Variants in DOCK4 observed in about 807,000 individuals in gnomAD.
The protein encoded by DOCK4 is dedicator of cytokinesis protein 4.
A neutral mutation model predicts 268.1 loss-of-function variants in DOCK4; 97 were observed. The observed-to-expected ratio is 0.36, with a 90% CI of 0.31 to 0.43. The LOEUF is 0.43. DOCK4 is among the 20% of genes least tolerant of loss of function. The pLI is 1.00. For synonymous variants in DOCK4, 954 were observed against 887.2 expected, an observed-to-expected ratio of 1.08 and a Z score of -1.34; for missense variants, 2,145 against 2,455.7, an observed-to-expected ratio of 0.87 and a Z score of 2.67.
intron 10 of DOCK4, 107 bp downstream of exon 10, chr7:111,944,704 G>C: frequency 9.0e-7 from 1 of 1,116,690 alleles, no homozygotes; most frequent in Non-Finnish European, 1.3e-6. Flanking sequence ...ATCTGGCTTT[G>C]ATATCTTTCT....
At chr7:111,930,658 G>C (rs542407631) in intron 12 of DOCK4, among the ~76,000 whole-genome samples, 1 of 152,322 alleles carries the variant, frequency 6.6e-6, no homozygotes, top group African/African-American at 2.4e-5. Context: ...TCTAACTGTT[G>C]TGACAGTTTA....
At chr7:111,740,332 T>C in intron 47 of DOCK4, 1 of 207,202 alleles carries the variant, frequency 4.8e-6, no homozygotes, top group Non-Finnish European at 1.0e-5. Context: ...ACTCCAGATC[T>C]CAAGGTGATT....
intron 23 of DOCK4, 21 bp downstream of exon 23, chr7:111,863,351 C>A: frequency 6.2e-7 from 1 of 1,613,864 alleles, no homozygotes; most frequent in Non-Finnish European, 8.5e-7. Flanking sequence ...GGCACAATTT[C>A]CTCCAAGAGA....
At chr7:111,917,735 G>T (rs1792736989) in intron 12 of DOCK4, among the ~76,000 whole-genome samples, 1 of 151,604 alleles carries the variant, frequency 6.6e-6, no homozygotes, top group South Asian at 2.1e-4. Context: ...AATTTGCTTA[G>T]TACAGTCAAG....
intron 4 of DOCK4, among the ~76,000 whole-genome samples, chr7:111,996,930 C>T (rs1378367712): frequency 6.6e-6 from 1 of 152,160 alleles, no homozygotes; most frequent in Non-Finnish European, 1.5e-5. Flanking sequence ...TTTTCTCTTC[C>T]TTGGTCAGAG....
chr7:112,177,378 A>G (rs1818627539), intron 1 of DOCK4, among the ~76,000 whole-genome samples: 1 of 152,250 alleles, frequency 6.6e-6, no homozygotes, highest in South Asian at 2.1e-4. Flanking sequence ...CTAATAATGC[A>G]TTTAAAAGCA....
intron 26 of DOCK4, among the ~76,000 whole-genome samples, chr7:111,833,883 T>C (rs777530165): frequency 6.6e-6 from 1 of 152,182 alleles, no homozygotes; most frequent in Non-Finnish European, 1.5e-5. Flanking sequence ...GCAACAATTC[T>C]AATATGATGG....
chr7:111,977,314 C>G (rs1473694043), intron 7 of DOCK4, 31 bp from the exon 8 acceptor site: 5 of 1,575,134 alleles, frequency 3.2e-6, no homozygotes, highest in Non-Finnish European at 4.3e-6. Flanking sequence ...AAAACATGAT[C>G]AGCATGGACT....
chr7:111,820,604 G>A (rs891709202), intron 27 of DOCK4: 1 of 152,122 alleles, frequency 6.6e-6, no homozygotes, highest in Admixed American at 6.5e-5. Context: ...CTGAAGTAAC[G>A]ATGGGGCAGA....
intron 1 of DOCK4, chr7:112,023,605 G>C: frequency 2.2e-6 from 1 of 448,690 alleles, no homozygotes; most frequent in East Asian, 7.0e-5. Flanking sequence ...TTTTAAATCA[G>C]TAATATTGAA....
At chr7:111,817,006 CT>C (rs1259726763) in intron 27 of DOCK4, among the ~76,000 whole-genome samples, 1 of 152,180 alleles carries the variant, frequency 6.6e-6, no homozygotes, top group African/African-American at 2.4e-5. Context: ...TCTGAAAACT[CT>C]TTTGACCAGT....
intron 22 of DOCK4, among the ~76,000 whole-genome samples, chr7:111,865,127 G>A (rs773065079): frequency 1.6e-4 from 25 of 152,206 alleles, no homozygotes; most frequent in Non-Finnish European, 3.5e-4. Flanking sequence ...ATTGGGAATT[G>A]TCTAGCAGGG....
chr7:112,200,124 G>A (rs908318795), intron 1 of DOCK4, among the ~76,000 whole-genome samples: 1 of 152,150 alleles, frequency 6.6e-6, no homozygotes, highest in Non-Finnish European at 1.5e-5. Context: ...AGTCCTTCTG[G>A]TATCACAAAT....
chr7:111,900,120 T>TG (rs1309265010), intron 15 of DOCK4, among the ~76,000 whole-genome samples: 2 of 152,188 alleles, frequency 1.3e-5, no homozygotes, highest in African/African-American at 2.4e-5. Context: ...AAAGTCCTAG[T>TG]GGGTTTCCCC....
At chr7:112,044,013 C>G (rs1051112846) in intron 1 of DOCK4, among the ~76,000 whole-genome samples, 1 of 150,502 alleles carries the variant, frequency 6.6e-6, no homozygotes, top group African/African-American at 2.4e-5. Flanking sequence ...GACTTAAATG[C>G]TTTACTTATG....
intron 1 of DOCK4, among the ~76,000 whole-genome samples, chr7:112,128,445 G>T (rs533841489): frequency 7.6e-4 from 116 of 152,308 alleles, no homozygotes; most frequent in South Asian, 2.7e-3. Context: ...GAACGGGCCA[G>T]GATGACAATG....
chr7:112,163,173 A>C (rs540136781), intron 1 of DOCK4, among the ~76,000 whole-genome samples: 6 of 152,374 alleles, frequency 3.9e-5, no homozygotes, highest in Admixed American at 1.3e-4. Context: ...CACAAGGAAC[A>C]GAGCTTCACT....
chr7:112,062,743 G>A (rs1425022018), intron 1 of DOCK4, among the ~76,000 whole-genome samples: 2 of 152,134 alleles, frequency 1.3e-5, no homozygotes, highest in Non-Finnish European at 2.9e-5. Context: ...GCAATGGCAC[G>A]ATCTCGGCTC....
intron 12 of DOCK4, among the ~76,000 whole-genome samples, chr7:111,921,498 T>A (rs1448115139): frequency 6.6e-6 from 1 of 152,224 alleles, no homozygotes; most frequent in Non-Finnish European, 1.5e-5. Flanking sequence ...TCAGCCATTT[T>A]GCCACTAATA....
Sources: gnomAD v4.1 joint callset for allele counts (sites outside exome capture counted in the v4.1 genomes callset) on GRCh38, gnomAD v4.1.1 for gene constraint, MANE v1.5 for transcripts, NCBI Gene and HGNC (gene_info 2026-07-23, HGNC 2026-07-21) for gene names.